Variants in LMOD1 observed in about 807,000 individuals in gnomAD.
LMOD1 encodes the protein leiomodin-1.
A neutral mutation model predicts 36.5 loss-of-function variants in LMOD1; 8 were observed. The ratio of observed to expected loss-of-function variants is 0.22; its 90% CI spans 0.13 to 0.40. LMOD1 has a LOEUF of 0.40. LMOD1 is among the 10% of genes least tolerant of loss of function. The probability of loss-of-function intolerance (pLI) is 1.00; values close to 1 mark genes in which losing one functional copy is unlikely to be tolerated. For missense variants in LMOD1, 630 were observed against 751.1 expected, an observed-to-expected ratio of 0.84 and a Z score of 1.88; for synonymous variants, 284 against 288.7, an observed-to-expected ratio of 0.98 and a Z score of 0.17.
At chr1:201,909,759 T>C (rs778886573) in intron 1 of LMOD1, among the ~76,000 whole-genome samples, 1 of 152,238 alleles carries the variant, frequency 6.6e-6, no homozygotes, top group African/African-American at 2.4e-5. Flanking sequence ...CATCCAGTTA[T>C]GCACTCATGC....
Position 201,945,255 on chromosome 1 carries a change from A to G in LMOD1, c.261+825T>C, listed in dbSNP as rs1423041820. The stretch of plus-strand genomic sequence containing the variant: ...TGCCAACTCAGGAAAACAGAAAGCA[A>G]GTTGTGCTTAAGCCCATTGTAGGTG... On this transcript the variant is annotated intron_variant, in intron 1 of 2. Coordinates refer to ENST00000367288, the MANE Select transcript of LMOD1 (RefSeq NM_012134.3). Among the ~76,000 whole-genome samples the G allele has an allele frequency of 2.0e-5, 3 of 152,298 alleles. No homozygotes were observed. In the East Asian group the frequency reaches 5.8e-4, roughly 29 times the overall value.
At chr1:201,924,067 A>T (rs1173297469) in intron 1 of LMOD1, among the ~76,000 whole-genome samples, 2 of 152,080 alleles carry the variant, frequency 1.3e-5, no homozygotes, top group Middle Eastern at 3.4e-3. Context: ...CTGTAATCCC[A>T]GCACTTTGGG....
At chr1:201,925,425 T>C (rs1320808068) in intron 1 of LMOD1, among the ~76,000 whole-genome samples, 4 of 152,168 alleles carry the variant, frequency 2.6e-5, no homozygotes, top group Non-Finnish European at 5.9e-5. Context: ...ATGGATGAGC[T>C]GGGGCATATT....
At chr1:201,930,585 G>C (rs1681899672) in intron 1 of LMOD1, among the ~76,000 whole-genome samples, 1 of 152,140 alleles carries the variant, frequency 6.6e-6, no homozygotes, top group African/African-American at 2.4e-5. Flanking sequence ...TAATTTATTT[G>C]CAGACCAGTT....
intron 1 of LMOD1, among the ~76,000 whole-genome samples, chr1:201,937,189 C>T (rs866207738): frequency 2.0e-5 from 3 of 152,144 alleles, no homozygotes; most frequent in Non-Finnish European, 4.4e-5. Flanking sequence ...GGCTCATGCC[C>T]GTATCCCAGC....
In LMOD1 at chr1:201,900,305, AC is replaced by A; in HGVS notation, c.707del (p.Gly236ValfsTer4). 1 of 1,596,752 alleles carries A rather than the reference AC, an allele frequency of 6.3e-7. No individual in the cohort carries two copies. Among genetic ancestry groups the A allele is most frequent in the Non-Finnish European group, 8.5e-7 (1 of 1,172,176 alleles). On this transcript the variant is annotated frameshift_variant, in exon 2 of 3. Transcript: ENST00000367288. LOFTEE classifies it high-confidence loss of function. ...ERRNTDTRKEGEKMKRAGGNT... is the reference protein window; with the variant it reads ...ERRNTDTRKEXEKMKRAGGNT... ...TCCCACCTGCTCTTTTCATCTTCTC[AC>A]CCTCTTTTCTGGTGTCTGTGTTCCT...
At chr1:201,937,961 G>A (rs1347186529) in intron 1 of LMOD1, among the ~76,000 whole-genome samples, 3 of 152,090 alleles carry the variant, frequency 2.0e-5, no homozygotes, top group South Asian at 2.1e-4. Flanking sequence ...TGTATAAAAC[G>A]AATGAAGAGA....
At chr1:201,921,936 G>A (rs1265987258) in intron 1 of LMOD1, among the ~76,000 whole-genome samples, 1 of 149,758 alleles carries the variant, frequency 6.7e-6, no homozygotes, top group Non-Finnish European at 1.5e-5. Context: ...CTCCAGCCTG[G>A]GCGACAGAGT....
At chr1:201,934,291 A>G (rs1481898595) in intron 1 of LMOD1, among the ~76,000 whole-genome samples, 1 of 152,088 alleles carries the variant, frequency 6.6e-6, no homozygotes, top group Non-Finnish European at 1.5e-5. Context: ...AGACCAGCCT[A>G]TGGCTGCCAG....
rs572072228 is a variant in LMOD1, at chr1:201,930,687, G to T, written c.261+15393C>A. ...GCCAGAGATAGAAAGAGAGCATACG[G>T]GGATAACTGAATCCATGGGGTTGGA... On this transcript the variant is annotated intron_variant, in intron 1 of 2. Coordinates refer to ENST00000367288, the MANE Select transcript of LMOD1 (RefSeq NM_012134.3). 2.6e-5 allele frequency among the ~76,000 whole-genome samples: 4 copies of T among 152,244 alleles called. No individual in the cohort carries two copies. The East Asian group carries it at 7.7e-4, about 29-fold the overall frequency.
intron 1 of LMOD1, among the ~76,000 whole-genome samples, chr1:201,940,817 C>T (rs1253921157): frequency 5.4e-5 from 8 of 149,500 alleles, no homozygotes; most frequent in African/African-American, 7.4e-5. Context: ...GGCACGATCT[C>T]GGCGCACCGT....
chr1:201,938,530 G>A (rs1171094869), intron 1 of LMOD1, among the ~76,000 whole-genome samples: 1 of 152,142 alleles, frequency 6.6e-6, no homozygotes, highest in Non-Finnish European at 1.5e-5. Flanking sequence ...CTGCACCCAG[G>A]TCTAGCTGGC....
Position 201,897,722 on chromosome 1 carries a change from A to G in LMOD1, c.*650T>C, listed in dbSNP as rs1199362035. ...CATACAGCAGCAGGTGGGTGTGAGG[A>G]AAATGTCTGCTTTGGCATCAAACCT... On this transcript the variant is annotated 3_prime_UTR_variant, in exon 3 of 3. Transcript: ENST00000367288. The G allele has an allele frequency of 2.0e-5, 3 of 152,796 alleles. No individual in the cohort carries two copies. The highest frequency in any genetic ancestry group is 7.2e-5 in the African/African-American group (3 of 41,468). The allele number at this position is 152,796 out of a possible 1,614,324, so 9.5% of individuals were successfully genotyped here. A position where few individuals can be genotyped will look rare whatever the true frequency, so the allele number is the denominator to read the frequency against.
At position 201,913,952 on chromosome 1, in the gene LMOD1, A is replaced by G. The variant is rs572321010; in HGVS notation, c.262-13201T>C. 3.9e-5 allele frequency among the ~76,000 whole-genome samples: 6 copies of G among 152,312 alleles called. No homozygotes were observed. In the East Asian group the frequency reaches 1.2e-3, roughly 29 times the overall value. On this transcript the variant is annotated intron_variant, in intron 1 of 2. Coordinates refer to ENST00000367288, the MANE Select transcript of LMOD1 (RefSeq NM_012134.3). ...ACTTGGGCTGTTTTTGGCTATTGTG[A>G]ATAATGCTGCTATGAACATATCTGT...
At chr1:201,911,093 A>G (rs990073034) in intron 1 of LMOD1, among the ~76,000 whole-genome samples, 3 of 152,156 alleles carry the variant, frequency 2.0e-5, no homozygotes, top group Admixed American at 1.3e-4. Flanking sequence ...AAAGCACACA[A>G]CACAAACCCA....
intron 1 of LMOD1, among the ~76,000 whole-genome samples, chr1:201,921,533 G>A (rs1489354620): frequency 2.7e-5 from 4 of 145,476 alleles, no homozygotes; most frequent in African/African-American, 1.0e-4. Flanking sequence ...TCAGAAAGGA[G>A]ATCTAGGCTT....
At chr1:201,944,259 G>A (rs1304432499) in intron 1 of LMOD1, among the ~76,000 whole-genome samples, 7 of 152,216 alleles carry the variant, frequency 4.6e-5, no homozygotes, top group Non-Finnish European at 7.3e-5. Context: ...CAGGGGAGGA[G>A]ACACTTGTCA....
rs1681250305 is a variant in LMOD1 at position 201,899,386 on chromosome 1, G to A, written c.1627C>T (p.Pro543Ser). ...TTCAGGTTCTCCATGATAAGGGGTG[G>A]AGCCAAGGGAGGGGGAGGGGGTGGT... Reference protein sequence around the residue: ...APPPPPPPLAPPLIMENLKNS... With the variant: ...APPPPPPPLASPLIMENLKNS... Residue 543 changes from proline to serine, a missense_variant, in exon 2 of 3, where the codon CCA becomes TCA. Coordinates refer to ENST00000367288, the MANE Select transcript of LMOD1 (RefSeq NM_012134.3). The surrounding 1 kb of genome is among the most constrained non-coding windows in gnomAD (Gnocchi z 6.3). 2 of 1,558,182 alleles carry A rather than the reference G, an allele frequency of 1.3e-6. No homozygotes were observed. The highest frequency in any genetic ancestry group is 2.2e-5 in the South Asian group (2 of 89,690).
Position 201,900,202 on chromosome 1 carries a change from C to G in LMOD1, c.811G>C (p.Val271Leu), listed in dbSNP as rs1326751262. 1.2e-6 allele frequency: 2 copies of G among 1,613,800 alleles called. No homozygotes were observed. The highest frequency in any genetic ancestry group is 1.7e-5 in the Admixed American group (1 of 59,996). ...NTDTKKDDEK[V>L]KKNEPLHEKE... ...TCATGTAAGGGTTCATTCTTCTTGA[C>G]TTTTTCATCGTCCTTTTTGGTGTCT... Residue 271 changes from valine to leucine, a missense_variant, in exon 2 of 3, where the codon GTC becomes CTC. Physicochemically the swap from Val to Leu is conservative, Grantham distance 32 (BLOSUM62 1). This residue lies in a region of LMOD1 where 405 missense variants were observed against 400.6 expected (regional missense o/e 1.01). Coordinates refer to ENST00000367288, the MANE Select transcript of LMOD1 (RefSeq NM_012134.3).
Sources: allele counts gnomAD v4.1 joint callset (sites outside exome capture counted in the v4.1 genomes callset), GRCh38; gene constraint gnomAD v4.1.1; regional missense constraint gnomAD v4.1.1; non-coding constraint Gnocchi (gnomAD v3.1); transcripts MANE v1.5; gene names NCBI Gene and HGNC (gene_info 2026-07-23, HGNC 2026-07-21).